The following DIAPH1 variants were observed in gnomAD, a reference collection of about 807,000 sequenced individuals.
The protein encoded by DIAPH1 is diaphanous related formin 1, also known as protein diaphanous homolog 1.
A neutral mutation model predicts 140.7 loss-of-function variants in DIAPH1; 46 were observed. The observed-to-expected ratio is 0.33, with a 90% CI of 0.26 to 0.42. The LOEUF is 0.42. DIAPH1 is among the 10% of genes least tolerant of loss of function. The pLI is 1.00. For synonymous variants in DIAPH1, 565 were observed against 551.6 expected, an observed-to-expected ratio of 1.02 and a Z score of -0.34; for missense variants, 1,310 against 1,558.7, an observed-to-expected ratio of 0.84 and a Z score of 2.69.
At chr5:141,609,134 C>T (rs1341893257) in intron 1 of DIAPH1, among the ~76,000 whole-genome samples, 1 of 141,862 alleles carries the variant, frequency 7.0e-6, no homozygotes, top group Non-Finnish European at 1.5e-5. Context: ...AATTAAGATT[C>T]TTCCAATGGC....
At chr5:141,544,167 G>A (rs551623879) in intron 18 of DIAPH1, among the ~76,000 whole-genome samples, 163 of 152,038 alleles carry the variant, frequency 1.1e-3, no homozygotes, top group Middle Eastern at 6.8e-3. Context: ...AAAATTAGCC[G>A]GGCGTGGTGG....
In DIAPH1 at chr5:141,540,502, G is replaced by A. The variant is rs188912105; in HGVS notation, c.2483-6069C>T. Among the ~76,000 whole-genome samples the A allele has an allele frequency of 1.9e-3, 283 of 151,830 alleles. 1 individual carries two copies. Among genetic ancestry groups the A allele is most frequent in the African/African-American group, 6.2e-3 (259 of 41,464 alleles). On this transcript the variant is annotated intron_variant, in intron 18 of 27. Transcript: ENST00000389054. ...CCATCATACTGGCCAGGCTGGTCTC[G>A]AACTCCTGACCTCGTGATCCACCTG... is the stretch of plus-strand genomic sequence containing the variant.
At chr5:141,551,621 T>C (rs1212572899) in intron 18 of DIAPH1, among the ~76,000 whole-genome samples, 1 of 152,120 alleles carries the variant, frequency 6.6e-6, no homozygotes, top group Admixed American at 6.5e-5. Context: ...TGTACTATTC[T>C]AGCAGCTTTT....
chr5:141,527,781 C>G (rs1272014982), intron 23 of DIAPH1, 84 bp from the exon 24 acceptor site: 13 of 1,448,974 alleles, frequency 9.0e-6, no homozygotes, highest in Non-Finnish European at 1.1e-5. Flanking sequence ...CCCTTAGTTT[C>G]ACCTTTCAGA....
intron 2 of DIAPH1, 54 bp downstream of exon 2, chr5:141,588,170 T>C: frequency 2.1e-6 from 3 of 1,444,496 alleles, no homozygotes; most frequent in Middle Eastern, 1.7e-4. Context: ...CTGGTAAATA[T>C]GATAGTGTAG....
chr5:141,516,359 G>C lies in DIAPH1; in HGVS notation c.*492C>G, dbSNP rs1262199391. On this transcript the variant is annotated 3_prime_UTR_variant, in exon 28 of 28. Transcript: ENST00000389054. ...TAATAATAAATAACCACAGCCAGGA[G>C]AGGGAAGAGCAGAGACAACAGCAAT... is the stretch of plus-strand genomic sequence containing the variant. 4 of 188,686 alleles carry C rather than the reference G, an allele frequency of 2.1e-5. No individual in the cohort carries two copies. Among genetic ancestry groups the C allele is most frequent in the Non-Finnish European group, 3.4e-5 (3 of 88,576 alleles). The allele number at this position is 188,686 out of a possible 1,614,324, so 11.7% of individuals were successfully genotyped here.
In DIAPH1 at chr5:141,582,059, C is replaced by CAAAAA. The variant is rs70991705; in HGVS notation, c.684+248_684+252dup. 129 of 79,674 alleles carry CAAAAA rather than the reference C, an allele frequency of 1.6e-3. 2 individuals are homozygous for CAAAAA. Among genetic ancestry groups the CAAAAA allele is most frequent in the Admixed American group, 7.4e-3 (27 of 3,660 alleles). 4.9% of individuals were successfully genotyped at this position (79,674 alleles called of 1,614,324 possible). ...TGGGCAACAGAGCGAGACTCCATCT[C>CAAAAA]AAAAAAAAAAAAAAAAAAAAAAAAA... On this transcript the variant is annotated intron_variant, in intron 7 of 27. Coordinates refer to ENST00000389054, the MANE Select transcript of DIAPH1 (RefSeq NM_005219.5).
intron 18 of DIAPH1, chr5:141,560,883 T>G: frequency 2.4e-6 from 1 of 413,510 alleles, no homozygotes; most frequent in Non-Finnish European, 4.8e-6. Context: ...CATACTGCTG[T>G]TTTTTTCCCT....
intron 19 of DIAPH1, among the ~76,000 whole-genome samples, chr5:141,533,760 C>T (rs964475385): frequency 6.6e-6 from 1 of 152,040 alleles, no homozygotes; most frequent in Non-Finnish European, 1.5e-5. Context: ...TTTCTGTGAA[C>T]GCAATGGACA....
intron 27 of DIAPH1, 117 bp downstream of exon 27, chr5:141,524,026 T>C: frequency 3.3e-6 from 3 of 897,116 alleles, no homozygotes; most frequent in Non-Finnish European, 5.7e-6. Context: ...CCGTTCTGGA[T>C]GCAGGGACTA....
At chr5:141,524,038 A>G (rs1250100154) in intron 27 of DIAPH1, 105 bp downstream of exon 27, 1 of 991,718 alleles carries the variant, frequency 1.0e-6, no homozygotes, top group Non-Finnish European at 1.6e-6. Context: ...CAGGGACTAA[A>G]AAGATGCTTA....
chr5:141,548,302 C>T (rs1237025095), intron 18 of DIAPH1, among the ~76,000 whole-genome samples: 1 of 133,952 alleles, frequency 7.5e-6, no homozygotes, highest in Admixed American at 7.3e-5. Flanking sequence ...AAAGAAAAAA[C>T]ATCTTCCAAA....
Position 141,587,202 on chromosome 5 carries a change from G to T in DIAPH1, c.145-5C>A, listed in dbSNP as rs1596392507. 6.2e-7 allele frequency: 1 copy of T among 1,613,634 alleles called. No individual in the cohort carries two copies. The highest frequency in any genetic ancestry group is 1.3e-5 in the African/African-American group (1 of 75,002). ...CATGCTGGTAAATCTCTCCAGCTGA[G>T]AAACAGAAAAAAGCATTAGCAGTGA... is the stretch of plus-strand genomic sequence containing the variant. On this transcript the variant is annotated splice_polypyrimidine_tract_variant and splice_region_variant and intron_variant, in intron 2 of 27. Coordinates refer to ENST00000389054, the MANE Select transcript of DIAPH1 (RefSeq NM_005219.5).
In DIAPH1 at chr5:141,571,755, A is replaced by G. The variant is rs1317968019; in HGVS notation, c.2473+171T>C. On this transcript the variant is annotated intron_variant, in intron 17 of 27. Transcript: ENST00000389054. Reference sequence around the variant, plus strand: ...CTTTCCCAAACCAAGTAACTCCATAATATTTAATACAAAAACATCTTTTCT... The same window carrying G: ...CTTTCCCAAACCAAGTAACTCCATAGTATTTAATACAAAAACATCTTTTCT... 4 of 714,740 alleles carry G rather than the reference A, an allele frequency of 5.6e-6. No individual in the cohort carries two copies. In the African/African-American group the frequency reaches 7.0e-5, roughly 12 times the overall value. 44.3% of individuals were successfully genotyped at this position (714,740 alleles called of 1,614,324 possible). A position where few individuals can be genotyped will look rare whatever the true frequency, so the allele number is the denominator to read the frequency against.
At chr5:141,616,105 GGCA>G (rs1045337366) in intron 1 of DIAPH1, among the ~76,000 whole-genome samples, 3 of 152,200 alleles carry the variant, frequency 2.0e-5, no homozygotes, top group Non-Finnish European at 4.4e-5. Flanking sequence ...GGTAATACCA[GGCA>G]GCCTGGCTTC....
At chr5:141,522,896 C>G (rs1240223743) in intron 27 of DIAPH1, among the ~76,000 whole-genome samples, 1 of 152,132 alleles carries the variant, frequency 6.6e-6, no homozygotes, top group African/African-American at 2.4e-5. Flanking sequence ...GGGGAACATT[C>G]TGAAGTCATA....
rs75229850 is a variant in DIAPH1 at position 141,524,109 on chromosome 5, C to T, written c.3661+34G>A. On this transcript the variant is annotated intron_variant, in intron 27 of 27. Transcript: ENST00000389054. ...AGGAGTAGAGAGCCCTCACCCCCTTCGACACCCAGGATGAGCTCCATGTGC... is the reference window on the plus strand; with the variant it reads ...AGGAGTAGAGAGCCCTCACCCCCTTTGACACCCAGGATGAGCTCCATGTGC... The T allele has an allele frequency of 2.0e-3, 3,239 of 1,597,398 alleles. 57 individuals carry two copies. In the African/African-American group the frequency reaches 0.04, roughly 20 times the overall value.
At chr5:141,617,547 G>A (rs2099902885) in intron 1 of DIAPH1, among the ~76,000 whole-genome samples, 1 of 152,142 alleles carries the variant, frequency 6.6e-6, no homozygotes, top group Non-Finnish European at 1.5e-5. Context: ...TTGTGGAGCT[G>A]GGTCAAAATG....
At chr5:141,535,987 G>A in intron 18 of DIAPH1, 1 of 468,938 alleles carries the variant, frequency 2.1e-6, no homozygotes, top group African/African-American at 2.0e-5. Context: ...CATACAAAAG[G>A]TACAAAGAAC....
Sources: gnomAD v4.1 joint callset for allele counts (sites outside exome capture counted in the v4.1 genomes callset) on GRCh38, gnomAD v4.1.1 for gene constraint, MANE v1.5 for transcripts, NCBI Gene and HGNC (gene_info 2026-07-23, HGNC 2026-07-21) for gene names.